Variants in CSTPP1 observed in about 807,000 individuals in gnomAD.
CSTPP1 encodes the protein centriolar satellite-associated tubulin polyglutamylase complex regulator 1, also known as UPF0705 protein C11orf49.
chr11:47,105,998 G>A, the CSTPP1 span, among the ~76,000 whole-genome samples: 1 of 152,208 alleles, frequency 6.6e-6, no homozygotes, highest in South Asian at 2.1e-4. Context: ...TAAATTTGGG[G>A]TCAGAGGGAT....
chr11:47,101,174 TTTTTTTTTTTTTTTTA>T, the CSTPP1 span, among the ~76,000 whole-genome samples: 134 of 87,044 alleles, frequency 1.5e-3, 2 homozygotes, highest in African/African-American at 5.0e-3. Flanking sequence ...ATTTTTTTTT[TTTTTTTTTTTTTTTTA>T]TTTTATTTTT....
chr11:47,052,557 TCC>T, the CSTPP1 span: 1 of 1,603,600 alleles, frequency 6.2e-7, no homozygotes, highest in South Asian at 1.1e-5. Context: ...CTTCCTTCCT[TCC>T]TTCCTTTCTT....
At chr11:47,151,639 G>T in the CSTPP1 span, among the ~76,000 whole-genome samples, 4 of 151,426 alleles carry the variant, frequency 2.6e-5, no homozygotes, top group African/African-American at 9.7e-5. Flanking sequence ...CAGCGTTTCT[G>T]GTTGAGGAGA....
the CSTPP1 span, among the ~76,000 whole-genome samples, chr11:47,047,340 T>C: frequency 2.6e-5 from 4 of 152,190 alleles, no homozygotes; most frequent in African/African-American, 9.7e-5. Flanking sequence ...ACTATAAAAC[T>C]AGCTATGAAG....
chr11:47,020,792 A>G, the CSTPP1 span, among the ~76,000 whole-genome samples: 3 of 152,236 alleles, frequency 2.0e-5, 1 homozygote, highest in Non-Finnish European at 2.9e-5. Context: ...CTCCAGAAGC[A>G]TAATTCACTA....
chr11:47,137,401 A>T, the CSTPP1 span: 3 of 1,503,496 alleles, frequency 2.0e-6, no homozygotes, highest in Non-Finnish European at 2.7e-6. Flanking sequence ...CAATTTTCAT[A>T]CCAGTGAAGC....
At chr11:47,140,231 C>T in the CSTPP1 span, among the ~76,000 whole-genome samples, 7 of 151,760 alleles carry the variant, frequency 4.6e-5, no homozygotes, top group Non-Finnish European at 8.8e-5. Flanking sequence ...TGGTAAAAGC[C>T]GCAGTTCAGG....
the CSTPP1 span, among the ~76,000 whole-genome samples, chr11:47,047,128 T>C: frequency 6.6e-6 from 1 of 152,288 alleles, no homozygotes; most frequent in South Asian, 2.1e-4. Flanking sequence ...CTTGAACTCC[T>C]GACCTCAGGT....
At chr11:47,096,493 C>T in the CSTPP1 span, among the ~76,000 whole-genome samples, 3 of 152,166 alleles carry the variant, frequency 2.0e-5, no homozygotes, top group Non-Finnish European at 2.9e-5. Context: ...AGGCATGGGT[C>T]GGAGTGAAGG....
the CSTPP1 span, among the ~76,000 whole-genome samples, chr11:47,078,668 A>G: frequency 6.6e-6 from 1 of 152,208 alleles, no homozygotes; most frequent in Non-Finnish European, 1.5e-5. Flanking sequence ...AGAGGTGCAG[A>G]TAAGTGAAAA....
At chr11:46,998,375 G>A in the CSTPP1 span, among the ~76,000 whole-genome samples, 3 of 152,212 alleles carry the variant, frequency 2.0e-5, no homozygotes, top group South Asian at 2.1e-4. Flanking sequence ...AAAAAAAATC[G>A]TAAGATTTTC....
At chr11:47,033,743 T>C in the CSTPP1 span, among the ~76,000 whole-genome samples, 2 of 152,196 alleles carry the variant, frequency 1.3e-5, no homozygotes, top group African/African-American at 4.8e-5. Flanking sequence ...CTCCCAGACT[T>C]TCTTGATGTT....
the CSTPP1 span, among the ~76,000 whole-genome samples, chr11:47,020,901 C>A: frequency 1.8e-4 from 27 of 152,272 alleles, no homozygotes; most frequent in East Asian, 4.4e-3. Context: ...CAAGAGATTT[C>A]TTTGGAGAGT....
chr11:46,952,503 G>A, the CSTPP1 span, among the ~76,000 whole-genome samples: 2 of 152,156 alleles, frequency 1.3e-5, no homozygotes, highest in African/African-American at 2.4e-5. Context: ...TAGTATATGC[G>A]GTGGAGACAT....
chr11:47,084,465 T>C, the CSTPP1 span, among the ~76,000 whole-genome samples: 1 of 152,290 alleles, frequency 6.6e-6, no homozygotes, highest in African/African-American at 2.4e-5. Flanking sequence ...TTGCCTACCC[T>C]AAGGCTGTGA....
At chr11:47,067,416 C>T in the CSTPP1 span, among the ~76,000 whole-genome samples, 6,010 of 152,138 alleles carry the variant, frequency 0.04, 364 homozygotes, top group African/African-American at 0.14. Flanking sequence ...TCTGCCCCCC[C>T]CAAATTCCCA....
At chr11:46,959,321 T>C in the CSTPP1 span, among the ~76,000 whole-genome samples, 4 of 152,130 alleles carry the variant, frequency 2.6e-5, no homozygotes, top group African/African-American at 9.7e-5. Context: ...AGCTACTTGT[T>C]TAGGAAAGGG....
the CSTPP1 span, among the ~76,000 whole-genome samples, chr11:47,129,883 C>A: frequency 6.6e-6 from 1 of 152,148 alleles, no homozygotes; most frequent in Non-Finnish European, 1.5e-5. Context: ...TAATACTTTG[C>A]CTAGAACAAA....
At chr11:46,962,955 A>G in the CSTPP1 span, among the ~76,000 whole-genome samples, 1 of 152,202 alleles carries the variant, frequency 6.6e-6, no homozygotes, top group Non-Finnish European at 1.5e-5. Context: ...ACCCTGTCCA[A>G]AAAGGAAAAA....
Sources: gnomAD v4.1 joint callset for allele counts (sites outside exome capture counted in the v4.1 genomes callset) on GRCh38, gnomAD v4.1.1 for gene constraint, MANE v1.5 for transcripts, NCBI Gene and HGNC (gene_info 2026-07-23, HGNC 2026-07-21) for gene names.